The following ZNF800 variants were observed in gnomAD, a reference collection of about 807,000 sequenced individuals.
ZNF800 encodes the protein zinc finger protein 800.
A neutral mutation model predicts 59.5 loss-of-function variants in ZNF800; 13 were observed. The ratio of observed to expected loss-of-function variants is 0.22; its 90% confidence interval spans 0.14 to 0.35. The LOEUF (loss-of-function observed/expected upper bound fraction) is 0.35. Ranked by LOEUF, ZNF800 falls within the 10% of genes least tolerant of loss-of-function variation. ZNF800 has a pLI of 1.00. For missense variants in ZNF800, 621 were observed against 783.7 expected (o/e 0.79, Z 2.48); for synonymous variants, 266 against 265.7 (o/e 1.00, Z -0.01).
chr7:127,377,338 AAAAAG>A lies in ZNF800; in HGVS notation c.158-14_158-10del, dbSNP rs753662355. 6.3e-7 allele frequency: 1 copy of A among 1,582,218 alleles called. No homozygotes were observed. The stretch of plus-strand genomic sequence containing the variant: ...CTTAAGTTGTTTAGTTCCTGAGAGA[AAAAAG>A]AAAAGAAAAACTTAACACAAAAGGT... On this transcript the variant is annotated splice_polypyrimidine_tract_variant and intron_variant, in intron 3 of 5. Coordinates refer to ENST00000265827, the MANE Select transcript of ZNF800 (RefSeq NM_176814.5). The surrounding 1 kb of genome is among the most constrained non-coding windows in gnomAD (Gnocchi z 4.7).
Position 127,377,103 on chromosome 7 carries a change from T to C in ZNF800, c.301+83A>G. ...CATTATCAAATTATCAGTAACTAGA[T>C]ACAATTTTAATGCAAATGTATACTT... On this transcript the variant is annotated intron_variant, in intron 4 of 5. Transcript: ENST00000265827. The surrounding 1 kb of genome is among the most constrained non-coding windows in gnomAD (Gnocchi z 4.7). 8.0e-7 allele frequency: 1 copy of C among 1,253,238 alleles called. No homozygotes were observed. The allele number at this position is 1,253,238 out of a possible 1,614,324, so 77.6% of individuals were successfully genotyped here. A position where few individuals can be genotyped will look rare whatever the true frequency, so the allele number is the denominator to read the frequency against.
At chr7:127,364,482 A>G (rs1038752777) in intron 1 of ZNF800, 1 of 152,174 alleles carries the variant, frequency 6.6e-6, no homozygotes, top group African/African-American at 2.4e-5. Flanking sequence ...AACAATTACA[A>G]TGTGACAGAA....
At chr7:127,354,285 GAAAT>G (rs1314799163) in intron 1 of ZNF800, among the ~76,000 whole-genome samples, 2 of 151,962 alleles carry the variant, frequency 1.3e-5, no homozygotes, top group Non-Finnish European at 2.9e-5. Context: ...CTTCCTGAAA[GAAAT>G]GTGAAATACT....
chr7:127,371,454 T>G lies in ZNF800; in HGVS notation c.*360A>C, dbSNP rs1800629204. 1 of 183,986 alleles carries G rather than the reference T, an allele frequency of 5.4e-6. No individual in the cohort carries two copies. Among genetic ancestry groups the G allele is most frequent in the Non-Finnish European group, 1.1e-5 (1 of 89,314 alleles). 11.4% of individuals were successfully genotyped at this position (183,986 alleles called of 1,614,324 possible). On this transcript the variant is annotated 3_prime_UTR_variant, in exon 6 of 6. Transcript: ENST00000265827. ...TATAAAGTCTTTGTCAATTAAAAAT[T>G]GATATTTTCTTCAGGTTGTTGATCA...
In ZNF800 at chr7:127,392,551, G is replaced by T; in HGVS notation, c.-550C>A. On this transcript the variant is annotated 5_prime_UTR_variant, in exon 1 of 6. Transcript: ENST00000265827. ...AAAAATGGGGGTCTCCCCCAACCTT[G>T]GGCCTTTTCGGTGGTAGTTGTTGTT... The T allele has an allele frequency of 3.7e-6, 1 of 268,906 alleles. No homozygotes were observed. Among genetic ancestry groups the T allele is most frequent in the Non-Finnish European group, 7.0e-6 (1 of 143,252 alleles). 16.7% of individuals were successfully genotyped at this position (268,906 alleles called of 1,614,324 possible).
intron 1 of ZNF800, among the ~76,000 whole-genome samples, chr7:127,358,240 C>A (rs1452438609): frequency 6.6e-6 from 1 of 151,844 alleles, no homozygotes; most frequent in Admixed American, 6.6e-5. Context: ...TGCCACCCAC[C>A]TGCTCAACTA....
At position 127,391,483 on chromosome 7, in the gene ZNF800, G is replaced by T; in HGVS notation, c.61+14C>A. 1.2e-6 allele frequency: 2 copies of T among 1,613,956 alleles called. No individual in the cohort carries two copies. Among genetic ancestry groups the T allele is most frequent in the Non-Finnish European group, 1.7e-6 (2 of 1,179,868 alleles). On this transcript the variant is annotated intron_variant, in intron 2 of 5. Coordinates refer to ENST00000265827, the MANE Select transcript of ZNF800 (RefSeq NM_176814.5). ...GATGGAGGGCAAAGCAACTGCGGACGAAGAGGGGTCTACCTGGTTCACAGC... is the reference window on the plus strand; with the variant it reads ...GATGGAGGGCAAAGCAACTGCGGACTAAGAGGGGTCTACCTGGTTCACAGC...
intron 1 of ZNF800, among the ~76,000 whole-genome samples, chr7:127,365,008 T>A (rs753807532): frequency 6.6e-5 from 10 of 152,108 alleles, no homozygotes; most frequent in Admixed American, 4.6e-4. Context: ...GTGGGCATGC[T>A]TTGTTTGGAT....
Position 127,391,537 on chromosome 7 carries a change from G to A in ZNF800, c.21C>T (p.Tyr7=). 2 of 1,614,186 alleles carry A rather than the reference G, an allele frequency of 1.2e-6. No homozygotes were observed. Among genetic ancestry groups the A allele is most frequent in the South Asian group, 2.2e-5 (2 of 91,084 alleles). ...CGTGATGATGGTGGTCAGTCTGACA[G>A]TATTTGTCCCTTAAAGGCATTTTCA... MPLRDK[Y]CQTDHHHHGC... Residue 7 remains tyrosine (Y), a synonymous_variant, in exon 2 of 6, where the codon TAC becomes TAT. Transcript: ENST00000265827.
At chr7:127,357,072 A>G (rs569015062) in intron 1 of ZNF800, among the ~76,000 whole-genome samples, 1 of 152,174 alleles carries the variant, frequency 6.6e-6, no homozygotes, top group South Asian at 2.1e-4. Flanking sequence ...AGCAGGGCTG[A>G]TTTCTGAAAA....
chr7:127,385,635 A>G (rs960432798), intron 3 of ZNF800, among the ~76,000 whole-genome samples: 2 of 152,166 alleles, frequency 1.3e-5, no homozygotes, highest in African/African-American at 4.8e-5. Context: ...TCACACAAAC[A>G]TAAATAAGGT....
In ZNF800 at chr7:127,379,250, G is replaced by A. The variant is rs528860370; in HGVS notation, c.158-1921C>T. Reference sequence around the variant, plus strand: ...AGTTCACAGTTAACTTCATAAGTGAGTGACAAACTATGAGAGGTAGACTGA... The same window carrying A: ...AGTTCACAGTTAACTTCATAAGTGAATGACAAACTATGAGAGGTAGACTGA... On this transcript the variant is annotated intron_variant, in intron 3 of 5. Coordinates refer to ENST00000265827, the MANE Select transcript of ZNF800 (RefSeq NM_176814.5). Among the ~76,000 whole-genome samples the A allele has an allele frequency of 3.3e-5, 5 of 152,308 alleles. No homozygotes were observed. The South Asian group carries it at 1.0e-3, about 32-fold the overall frequency.
intron 3 of ZNF800, among the ~76,000 whole-genome samples, chr7:127,379,560 C>T (rs951573359): frequency 3.9e-5 from 6 of 152,044 alleles, no homozygotes; most frequent in Admixed American, 2.0e-4. Context: ...ATAAAATAAT[C>T]AGTCTGTAAA....
At chr7:127,350,569 G>T (rs1362440068) in intron 1 of ZNF800, 4 of 152,188 alleles carry the variant, frequency 2.6e-5, no homozygotes, top group Non-Finnish European at 5.9e-5. Context: ...AATTTGCCAG[G>T]TTAAGGTGGC....
intron 3 of ZNF800, among the ~76,000 whole-genome samples, chr7:127,379,852 A>ACCACCC (rs1800911322): frequency 3.7e-4 from 6 of 16,162 alleles, no homozygotes; most frequent in Non-Finnish European, 7.2e-4. Context: ...CCACCCCCCC[A>ACCACCC]CCCCCCCCAC....
intron 1 of ZNF800, among the ~76,000 whole-genome samples, chr7:127,357,527 T>C (rs529206029): frequency 1.3e-5 from 2 of 152,110 alleles, no homozygotes; most frequent in Admixed American, 6.6e-5. Flanking sequence ...CACACAGACA[T>C]AGTACTTGCC....
rs774806951 is a variant in ZNF800 at position 127,374,515 on chromosome 7, G to A, written c.821C>T (p.Ser274Phe). Residue 274 changes from serine (S) to phenylalanine (F), a missense_variant, in exon 5 of 6, where the codon TCT becomes TTT. Ser to Phe is a radical substitution (Grantham distance 155). Around this residue, in one of 7 missense-constraint regions of ZNF800, gnomAD observed 218 missense variants for 230.8 expected, o/e 0.94. Transcript: ENST00000265827. ...IETRKNPNQSSKGRSKNVLVP... is the reference protein window; with the variant it reads ...IETRKNPNQSFKGRSKNVLVP... The stretch of plus-strand genomic sequence containing the variant: ...TAGAACATTCTTACTGCGTCCTTTA[G>A]AGGATTGGTTTGGATTCTTTCGTGT... 9.9e-6 allele frequency: 16 copies of A among 1,614,016 alleles called. No individual in the cohort carries two copies. The highest frequency in any genetic ancestry group is 1.1e-5 in the South Asian group (1 of 91,082).
downstream of ZNF800, among the ~76,000 whole-genome samples, chr7:127,343,778 C>T (rs1443350327): frequency 1.3e-5 from 2 of 151,868 alleles, no homozygotes; most frequent in Non-Finnish European, 2.9e-5. Context: ...AAGGGAAAAA[C>T]CACCATTATT....
At chr7:127,381,129 C>A (rs1256858646) in intron 3 of ZNF800, among the ~76,000 whole-genome samples, 1 of 152,270 alleles carries the variant, frequency 6.6e-6, no homozygotes, top group East Asian at 1.9e-4. Flanking sequence ...TAGACAAAGA[C>A]AAGGTTTCAT....
Sources: gnomAD v4.1 joint callset for allele counts (sites outside exome capture counted in the v4.1 genomes callset) on GRCh38, gnomAD v4.1.1 for gene constraint, gnomAD v4.1.1 regional missense constraint, Gnocchi (gnomAD v3.1) non-coding constraint, MANE v1.5 for transcripts, NCBI Gene and HGNC (gene_info 2026-07-23, HGNC 2026-07-21) for gene names.